Variants in SAMD3 observed in about 807,000 individuals in gnomAD.
The protein encoded by SAMD3 is sterile alpha motif domain containing 3, also known as sterile alpha motif domain-containing protein 3.
Under a neutral mutation model 58.5 loss-of-function variants are expected in SAMD3, and 63 were observed. The ratio of observed to expected loss-of-function variants is 1.08; its 90% CI spans 0.88 to 1.33. The LOEUF (loss-of-function observed/expected upper bound fraction) is 1.33, where lower values mean the gene tolerates loss of function less well. SAMD3 is among the 40% of genes most tolerant of loss of function. The probability of loss-of-function intolerance (pLI) is 0.00; values close to 1 mark genes in which losing one functional copy is unlikely to be tolerated. For synonymous variants in SAMD3, 220 were observed against 210.3 expected (o/e 1.05, Z -0.40); for missense variants, 604 against 608.4 (o/e 0.99, Z 0.08).
chr6:130,232,594 C>CA (rs546732947), intron 2 of SAMD3, among the ~76,000 whole-genome samples: 24 of 151,584 alleles, frequency 1.6e-4, no homozygotes, highest in Non-Finnish European at 2.4e-4. Context: ...GTGATAGAAT[C>CA]AAAAAAAATA....
chr6:130,181,336 C>G (rs1395425644), intron 7 of SAMD3, among the ~76,000 whole-genome samples: 1 of 152,182 alleles, frequency 6.6e-6, no homozygotes, highest in Non-Finnish European at 1.5e-5. Flanking sequence ...ACCCCTGCCT[C>G]CCATTAATGT....
chr6:130,343,439 A>C (rs1239654594), intron 1 of SAMD3, among the ~76,000 whole-genome samples: 4 of 152,198 alleles, frequency 2.6e-5, no homozygotes, highest in African/African-American at 9.7e-5. Flanking sequence ...TAAGAAAGCT[A>C]TATGTGTCCT....
At chr6:130,253,921 G>T (rs926146618) in intron 2 of SAMD3, among the ~76,000 whole-genome samples, 1 of 151,770 alleles carries the variant, frequency 6.6e-6, no homozygotes, top group Admixed American at 6.6e-5. Flanking sequence ...TTACTGTATT[G>T]CTCATGTTTG....
At chr6:130,236,954 C>T (rs1773172235) in intron 2 of SAMD3, among the ~76,000 whole-genome samples, 2 of 152,112 alleles carry the variant, frequency 1.3e-5, no homozygotes, top group Non-Finnish European at 2.9e-5. Context: ...CATTTCATTG[C>T]AATCAATAAA....
chr6:130,230,834 CATAA>C (rs1243049491), intron 2 of SAMD3, among the ~76,000 whole-genome samples: 2 of 152,158 alleles, frequency 1.3e-5, no homozygotes, highest in Admixed American at 6.5e-5. Context: ...TTGTAGTCAA[CATAA>C]ATAAATATGG....
intron 5 of SAMD3, among the ~76,000 whole-genome samples, chr6:130,195,223 C>T (rs950704339): frequency 6.6e-6 from 1 of 152,080 alleles, no homozygotes; most frequent in African/African-American, 2.4e-5. Flanking sequence ...ATCCCCCTAC[C>T]TTAACCCACA....
At chr6:130,178,478 GTT>G (rs750618475) in intron 7 of SAMD3, among the ~76,000 whole-genome samples, 49 of 152,204 alleles carry the variant, frequency 3.2e-4, no homozygotes, top group Non-Finnish European at 5.6e-4. Context: ...CTTTGGGCAT[GTT>G]TTCTAAGCTC....
intron 1 of SAMD3, among the ~76,000 whole-genome samples, chr6:130,315,655 C>T (rs962869945): frequency 6.6e-6 from 1 of 151,986 alleles, no homozygotes; most frequent in Non-Finnish European, 1.5e-5. Flanking sequence ...CTAAGTTATT[C>T]AGGATAGTAA....
intron 2 of SAMD3, among the ~76,000 whole-genome samples, chr6:130,265,094 G>A (rs1051938919): frequency 6.6e-6 from 1 of 152,208 alleles, no homozygotes; most frequent in Non-Finnish European, 1.5e-5. Flanking sequence ...GACATCATTA[G>A]CTAATGAATG....
At chr6:130,147,148 C>T (rs1788711653) in intron 9 of SAMD3, among the ~76,000 whole-genome samples, 1 of 152,154 alleles carries the variant, frequency 6.6e-6, no homozygotes, top group South Asian at 2.1e-4. Flanking sequence ...TTGACAGTGG[C>T]ATTATCAGAT....
chr6:130,287,436 A>G (rs1252237150), intron 2 of SAMD3, among the ~76,000 whole-genome samples: 1 of 152,242 alleles, frequency 6.6e-6, no homozygotes, highest in Admixed American at 6.5e-5. Context: ...CAAAAAGGGG[A>G]AAAGCAGAAT....
At chr6:130,162,170 A>G in intron 8 of SAMD3, 1 of 676,130 alleles carries the variant, frequency 1.5e-6, no homozygotes, top group South Asian at 1.6e-5. Flanking sequence ...TTTTGGCAAC[A>G]TAGAGTGTGG....
intron 9 of SAMD3, 120 bp downstream of exon 9, chr6:130,154,695 GAAAAAAAAAA>G (rs145408019): frequency 0.1 from 11,302 of 107,876 alleles, 713 homozygotes; most frequent in East Asian, 0.32. Context: ...GACTCTGTCT[GAAAAAAAAAA>G]AAAAAAAAAA....
intron 1 of SAMD3, among the ~76,000 whole-genome samples, chr6:130,347,958 T>C (rs1389092721): frequency 6.6e-6 from 1 of 152,190 alleles, no homozygotes; most frequent in African/African-American, 2.4e-5. Flanking sequence ...CAACCCAGAA[T>C]TTCATATCCA....
At chr6:130,216,433 T>C (rs1796005988) in intron 2 of SAMD3, 138 bp downstream of exon 2, 1 of 152,228 alleles carries the variant, frequency 6.6e-6, no homozygotes, top group African/African-American at 2.4e-5. Context: ...ATTAAAATGG[T>C]TATCAGTCGT....
chr6:130,270,209 A>G (rs74881681), intron 2 of SAMD3, among the ~76,000 whole-genome samples: 22,062 of 152,124 alleles, frequency 0.15, 4,254 homozygotes, highest in African/African-American at 0.45. Flanking sequence ...TTTGTGCCTC[A>G]GCCTCCAGAG....
At chr6:130,154,716 A>ATATATAT (rs1302479873) in intron 9 of SAMD3, 109 bp downstream of exon 9, 1 of 87,126 alleles carries the variant, frequency 1.1e-5, no homozygotes, top group Non-Finnish European at 2.1e-5. Context: ...AAAAAAAAAA[A>ATATATAT]AAATATATAT....
chr6:130,318,231 A>G lies in SAMD3; in HGVS notation c.-303-5138T>C, dbSNP rs138182816. Among the ~76,000 whole-genome samples, 7 of 152,270 alleles carry G rather than the reference A, an allele frequency of 4.6e-5. No individual in the cohort carries two copies. The East Asian group carries it at 1.4e-3, about 29-fold the overall frequency. ...CAGAAGAATTTTGCCTCATTAGTACAGCTAAAGTCAGGCCTGGACTATCAC... is the reference window on the plus strand; with the variant it reads ...CAGAAGAATTTTGCCTCATTAGTACGGCTAAAGTCAGGCCTGGACTATCAC... On this transcript the variant is annotated intron_variant, in intron 1 of 13. Coordinates refer to the SAMD3 transcript ENST00000368134.
At chr6:130,171,336 T>C (rs954709398) in intron 8 of SAMD3, among the ~76,000 whole-genome samples, 1 of 152,194 alleles carries the variant, frequency 6.6e-6, no homozygotes, top group African/African-American at 2.4e-5. Context: ...CTGGATTTGG[T>C]TTGCTAGTAT....
Sources: gnomAD v4.1 joint callset for allele counts (sites outside exome capture counted in the v4.1 genomes callset) on GRCh38, gnomAD v4.1.1 for gene constraint, MANE v1.5 for transcripts, NCBI Gene and HGNC (gene_info 2026-07-23, HGNC 2026-07-21) for gene names.